UBTD2: variants seen among roughly 807,000 people sequenced by gnomAD.
UBTD2 encodes ubiquitin domain containing 2.
UBTD2 carries 9 observed loss-of-function variants against 19.8 expected under a neutral mutation model. That is an observed-to-expected ratio of 0.46 (90% confidence interval 0.27 to 0.79). The LOEUF (loss-of-function observed/expected upper bound fraction) is 0.79, where lower values mean the gene tolerates loss of function less well. Ranked by LOEUF, UBTD2 falls within the 30% of genes least tolerant of loss-of-function variation. The probability of loss-of-function intolerance (pLI) is 0.14; values close to 1 mark genes in which losing one functional copy is unlikely to be tolerated. For synonymous variants in UBTD2, 98 were observed against 103.9 expected (o/e 0.94, Z 0.35); for missense variants, 250 against 300.4 (o/e 0.83, Z 1.24).
At chr5:172,268,469 T>C (rs1246798411) in intron 1 of UBTD2, among the ~76,000 whole-genome samples, 1 of 152,138 alleles carries the variant, frequency 6.6e-6, no homozygotes, top group Non-Finnish European at 1.5e-5. Flanking sequence ...CAAATCCAGA[T>C]TGTGGTACAT....
At chr5:172,282,890 T>C (rs745714623) in intron 1 of UBTD2, among the ~76,000 whole-genome samples, 9 of 152,124 alleles carry the variant, frequency 5.9e-5, no homozygotes, top group East Asian at 1.9e-4. Context: ...ACTTGTACTT[T>C]TATCCTACAT....
At chr5:172,245,218 A>G (rs887651246) in intron 1 of UBTD2, among the ~76,000 whole-genome samples, 1 of 152,206 alleles carries the variant, frequency 6.6e-6, no homozygotes, top group African/African-American at 2.4e-5. Flanking sequence ...TTCCAGTTAC[A>G]TGGAACCATC....
rs186287999 is a variant in UBTD2 at position 172,277,410 on chromosome 5, A to C, written c.70+6186T>G. Among the ~76,000 whole-genome samples the C allele has an allele frequency of 4.0e-3, 616 of 152,302 alleles. 5 individuals are homozygous for C. The highest frequency in any genetic ancestry group is 0.014 in the African/African-American group (569 of 41,568). ...AAAATAGATAAATCGGACATCATTA[A>C]AATTACAAACTTTAGGTGATGCACG... On this transcript the variant is annotated intron_variant, in intron 1 of 2. Coordinates refer to ENST00000393792, the MANE Select transcript of UBTD2 (RefSeq NM_152277.3).
intron 1 of UBTD2, among the ~76,000 whole-genome samples, chr5:172,259,619 C>T (rs571818054): frequency 5.9e-5 from 9 of 151,656 alleles, no homozygotes; most frequent in South Asian, 4.2e-4. Context: ...TGTGTGGAGG[C>T]GGTGTGGGGG....
chr5:172,234,337 G>A lies in UBTD2; in HGVS notation c.92C>T (p.Pro31Leu). The change falls in exon 2 of 3, where the codon CCT (proline) becomes CTT (leucine). Residue 31 changes from proline to leucine, a missense_variant. Physicochemically the swap from Pro to Leu is moderately conservative, Grantham distance 98. Transcript: ENST00000393792. ...CCATTTTGGTTTCTCCTTTTTCAAA[G>A]GCTGGTTACGACCTAGAGCAACTGA... ...GTGVALGRNQ[P>L]LKKEKPKWKS... 1 of 1,614,088 alleles carries A rather than the reference G, an allele frequency of 6.2e-7. No individual in the cohort carries two copies. The highest frequency in any genetic ancestry group is 8.5e-7 in the Non-Finnish European group (1 of 1,180,014).
intron 1 of UBTD2, among the ~76,000 whole-genome samples, chr5:172,262,522 T>C (rs1191772664): frequency 1.4e-5 from 2 of 144,012 alleles, no homozygotes; most frequent in South Asian, 2.2e-4. Flanking sequence ...ATAAAATCTA[T>C]CATTAACAGC....
intron 1 of UBTD2, among the ~76,000 whole-genome samples, chr5:172,271,501 A>G (rs998594046): frequency 1.3e-5 from 2 of 149,874 alleles, no homozygotes; most frequent in African/African-American, 2.5e-5. Flanking sequence ...CCTGCCCCCC[A>G]CTCCTCCTTG....
chr5:172,280,209 G>C (rs904133831), intron 1 of UBTD2, among the ~76,000 whole-genome samples: 2 of 136,636 alleles, frequency 1.5e-5, no homozygotes, highest in Non-Finnish European at 3.1e-5. Flanking sequence ...ATTAAAAGTA[G>C]GCATTAAAAA....
At chr5:172,250,684 C>T (rs1754983767) in intron 1 of UBTD2, among the ~76,000 whole-genome samples, 1 of 151,950 alleles carries the variant, frequency 6.6e-6, no homozygotes, top group Admixed American at 6.6e-5. Context: ...TGTCAATATC[C>T]ACCTTCCTGA....
chr5:172,220,049 G>A (rs2172047), intron 2 of UBTD2, among the ~76,000 whole-genome samples: 65,680 of 151,330 alleles, frequency 0.43, 14,473 homozygotes, highest in South Asian at 0.58. Context: ...CTACAGACCA[G>A]TATCTCTCAT....
intron 2 of UBTD2, among the ~76,000 whole-genome samples, chr5:172,228,720 C>CCAAAAAAAAAA (rs1354763454): frequency 6.6e-6 from 1 of 150,996 alleles, no homozygotes; most frequent in Non-Finnish European, 1.5e-5. Context: ...GACTCCGTCT[C>CCAAAAAAAAAA]CAAAAAAAAA....
intron 1 of UBTD2, among the ~76,000 whole-genome samples, chr5:172,249,195 C>T (rs1341514883): frequency 1.3e-5 from 2 of 151,630 alleles, no homozygotes; most frequent in African/African-American, 4.8e-5. Flanking sequence ...GTCAGGAGTT[C>T]GAGACCAACT....
chr5:172,274,414 C>T (rs1433805037), intron 1 of UBTD2, among the ~76,000 whole-genome samples: 1 of 152,062 alleles, frequency 6.6e-6, no homozygotes, highest in East Asian at 1.9e-4. Flanking sequence ...GCTGGGATTA[C>T]AGGTGTGAGC....
At chr5:172,273,292 T>TC (rs34940051) in intron 1 of UBTD2, among the ~76,000 whole-genome samples, 60,291 of 151,730 alleles carry the variant, frequency 0.4, 12,155 homozygotes, top group South Asian at 0.54. Context: ...GCAAGATTCT[T>TC]TTTAAAAATG....
intron 1 of UBTD2, among the ~76,000 whole-genome samples, chr5:172,272,260 G>C (rs181022158): frequency 1.7e-3 from 261 of 152,292 alleles, no homozygotes; most frequent in Non-Finnish European, 3.2e-3. Flanking sequence ...GCTGATGCAA[G>C]ACAAATACAT....
chr5:172,273,221 A>C (rs1041325819), intron 1 of UBTD2, among the ~76,000 whole-genome samples: 2 of 152,240 alleles, frequency 1.3e-5, no homozygotes, highest in African/African-American at 4.8e-5. Context: ...ATGCAGCACT[A>C]ATAACTGATT....
chr5:172,248,789 A>G (rs1164403299), intron 1 of UBTD2, among the ~76,000 whole-genome samples: 1 of 151,438 alleles, frequency 6.6e-6, no homozygotes, highest in Non-Finnish European at 1.5e-5. Flanking sequence ...AATTAAAAAG[A>G]TTAGTTGGGT....
At chr5:172,217,257 CAA>C (rs35402005) in intron 2 of UBTD2, among the ~76,000 whole-genome samples, 14 of 145,418 alleles carry the variant, frequency 9.6e-5, no homozygotes, top group South Asian at 2.2e-4. Flanking sequence ...AGTAAAAATA[CAA>C]AAAAAAAAAA....
chr5:172,276,185 G>A (rs1032645249), intron 1 of UBTD2, among the ~76,000 whole-genome samples: 1 of 152,198 alleles, frequency 6.6e-6, no homozygotes, highest in Non-Finnish European at 1.5e-5. Flanking sequence ...ATACTAGACT[G>A]TAAATTCCTT....
Sources: allele counts gnomAD v4.1 joint callset (sites outside exome capture counted in the v4.1 genomes callset), GRCh38; gene constraint gnomAD v4.1.1; transcripts MANE v1.5; gene names NCBI Gene and HGNC (gene_info 2026-07-23, HGNC 2026-07-21).